SOWAHA: variants seen among roughly 807,000 people sequenced by gnomAD.
The protein encoded by SOWAHA is sosondowah ankyrin repeat domain family member A, also known as ankyrin repeat domain-containing protein SOWAHA.
In SOWAHA, 17 loss-of-function variants were observed where a neutral mutation model predicts 21.1. The observed-to-expected ratio is 0.80, with a 90% CI of 0.55 to 1.21. SOWAHA has a LOEUF of 1.21. Ranked by LOEUF, SOWAHA falls within the 50% of genes most tolerant of loss-of-function variation. SOWAHA has a pLI of 0.00. For missense variants in SOWAHA, 862 were observed against 816.0 expected, an observed-to-expected ratio of 1.06 and a Z score of -0.69; for synonymous variants, 422 against 397.1, an observed-to-expected ratio of 1.06 and a Z score of -0.75.
Position 132,814,416 on chromosome 5 carries a change from T to C in SOWAHA, c.795T>C (p.Gly265=), listed in dbSNP as rs1758352201. Residue 265 remains glycine (G), a synonymous_variant, in exon 1 of 1, where the codon GGT becomes GGC. Transcript: ENST00000378693. ...GGCGGCTCTCGGTGGAAGAGTCCGG[T>C]CTGGGCCTCGGCCTGGGCCCGGGCC... ...LLRRLSVEES[G]LGLGLGPGRS... 3.4e-6 allele frequency: 5 copies of C among 1,484,362 alleles called. No individual in the cohort carries two copies. The highest frequency in any genetic ancestry group is 2.5e-5 in the South Asian group (2 of 79,212). The allele number at this position is 1,484,362 out of a possible 1,614,324, so 91.9% of individuals were successfully genotyped here.
Position 132,815,292 on chromosome 5 carries a change from T to C in SOWAHA, c.*21T>C. 3 of 1,592,272 alleles carry C rather than the reference T, an allele frequency of 1.9e-6. No homozygotes were observed. The highest frequency in any genetic ancestry group is 2.6e-6 in the Non-Finnish European group (3 of 1,166,410). On this transcript the variant is annotated 3_prime_UTR_variant, in exon 1 of 1. Transcript: ENST00000378693. ...CCTGAAGGTCCCTGGGGCTACCACC[T>C]GGTTGATCTATCGTGGCCTGCTCGT... is the stretch of plus-strand genomic sequence containing the variant.
At position 132,814,726 on chromosome 5, in the gene SOWAHA, G is replaced by A; in HGVS notation, c.1105G>A (p.Ala369Thr). Residue 369 changes from alanine (A) to threonine (T), a missense_variant, in exon 1 of 1, where the codon GCG becomes ACG. By Grantham distance (58) the Ala-to-Thr change is moderately conservative. Transcript: ENST00000378693. ...GATGGCGCTGCAGCTGGTGGAGGTC[G>A]CGCGGCGCAGTGGCGCACCAGTCGA... ...GEMALQLVEV[A>T]RRSGAPVDVN... 6.6e-7 allele frequency: 1 copy of A among 1,513,332 alleles called. No homozygotes were observed. The highest frequency in any genetic ancestry group is 2.5e-5 in the East Asian group (1 of 40,198). The allele number at this position is 1,513,332 out of a possible 1,614,324, so 93.7% of individuals were successfully genotyped here. A position where few individuals can be genotyped will look rare whatever the true frequency, so the allele number is the denominator to read the frequency against.
rs1279255474 is a variant in SOWAHA, at chr5:132,813,937, A to G, written c.316A>G (p.Thr106Ala). 2 of 1,545,236 alleles carry G rather than the reference A, an allele frequency of 1.3e-6. No individual in the cohort carries two copies. The highest frequency in any genetic ancestry group is 1.7e-6 in the Non-Finnish European group (2 of 1,145,060). Residue 106 changes from threonine (T) to alanine (A), a missense_variant, in exon 1 of 1, where the codon ACT (threonine) becomes GCT (alanine). Physicochemically the swap from Thr to Ala is moderately conservative, Grantham distance 58 (BLOSUM62 0). Coordinates refer to ENST00000378693, the MANE Select transcript of SOWAHA (RefSeq NM_175873.6). ...PGAAAQPSKPTSTVLPRSASA... is the reference protein window; with the variant it reads ...PGAAAQPSKPASTVLPRSASA... ...GGCAGCGGCCCAGCCGTCGAAACCCACTTCGACGGTCTTGCCGCGGAGCGC... is the reference window on the plus strand; with the variant it reads ...GGCAGCGGCCCAGCCGTCGAAACCCGCTTCGACGGTCTTGCCGCGGAGCGC...
Position 132,813,891 on chromosome 5 carries a change from C to T in SOWAHA, c.270C>T (p.Pro90=), listed in dbSNP as rs549849407. The T allele has an allele frequency of 5.8e-6, 9 of 1,548,014 alleles. No individual in the cohort carries two copies. In the African/African-American group the frequency reaches 1.1e-4, roughly 19 times the overall value. ...RKKPRPPEPE[P]APFGPPGAAA... is the part of the protein sequence containing the mutation. ...AGCCCCGGCCCCCGGAGCCCGAGCCCGCACCCTTCGGCCCCCCGGGGGCAG... is the reference window on the plus strand; with the variant it reads ...AGCCCCGGCCCCCGGAGCCCGAGCCTGCACCCTTCGGCCCCCCGGGGGCAG... The change falls in exon 1 of 1, where the codon CCC becomes CCT. Residue 90 remains proline, a synonymous_variant. Transcript: ENST00000378693.
At position 132,814,906 on chromosome 5, in the gene SOWAHA, G is replaced by C. The variant is rs765962679; in HGVS notation, c.1285G>C (p.Gly429Arg). The change falls in exon 1 of 1, where the codon GGC becomes CGC. Residue 429 changes from glycine to arginine, a missense_variant. By Grantham distance (125) the Gly-to-Arg change is moderately radical. Coordinates refer to ENST00000378693, the MANE Select transcript of SOWAHA (RefSeq NM_175873.6). ...TCGCGCCTACCAGTACCTGCGGCCCGGCTCCTCGTACGCGCTGCGCCGCCT... is the reference window on the plus strand; with the variant it reads ...TCGCGCCTACCAGTACCTGCGGCCCCGCTCCTCGTACGCGCTGCGCCGCCT... ...GRRAYQYLRPGSSYALRRLLG... is the reference protein window; with the variant it reads ...GRRAYQYLRPRSSYALRRLLG... The C allele has an allele frequency of 6.5e-7, 1 of 1,544,076 alleles. No individual in the cohort carries two copies. Among genetic ancestry groups the C allele is most frequent in the East Asian group, 2.4e-5 (1 of 40,944 alleles).
At position 132,814,961 on chromosome 5, in the gene SOWAHA, C is replaced by T. The variant is rs138513605; in HGVS notation, c.1340C>T (p.Thr447Met). The change falls in exon 1 of 1, where the codon ACG becomes ATG. Residue 447 changes from threonine to methionine, a missense_variant. Transcript: ENST00000378693. ...LLGDPGLRGTTEPDATGGGSG... is the reference protein window; with the variant it reads ...LLGDPGLRGTMEPDATGGGSG... ...GGCGATCCAGGCCTGCGAGGCACCA[C>T]GGAGCCAGATGCGACCGGTGGTGGA... The T allele has an allele frequency of 1.3e-5, 21 of 1,582,432 alleles. No individual in the cohort carries two copies. Among genetic ancestry groups the T allele is most frequent in the Non-Finnish European group, 1.7e-5 (20 of 1,165,174 alleles).
Position 132,815,411 on chromosome 5 carries a change from T to C in SOWAHA, c.*140T>C. 1.4e-6 allele frequency: 1 copy of C among 704,788 alleles called. No homozygotes were observed. Among genetic ancestry groups the C allele is most frequent in the African/African-American group, 1.8e-5 (1 of 55,862 alleles). The allele number at this position is 704,788 out of a possible 1,614,324, so 43.7% of individuals were successfully genotyped here. On this transcript the variant is annotated 3_prime_UTR_variant, in exon 1 of 1. Transcript: ENST00000378693. ...TCCAGGGCAGCCTGTTTTACCCAGATGGGCCTGCACCTCCAGCTTCTTTCT... is the reference window on the plus strand; with the variant it reads ...TCCAGGGCAGCCTGTTTTACCCAGACGGGCCTGCACCTCCAGCTTCTTTCT...
In SOWAHA at chr5:132,814,947, C is replaced by A; in HGVS notation, c.1326C>A (p.Gly442=). 1.3e-6 allele frequency: 2 copies of A among 1,572,214 alleles called. No homozygotes were observed. The highest frequency in any genetic ancestry group is 2.4e-5 in the East Asian group (1 of 42,504). ...YALRRLLGDP[G]LRGTTEPDAT... ...TGCGCCGCCTTCTTGGCGATCCAGG[C>A]CTGCGAGGCACCACGGAGCCAGATG... Residue 442 remains glycine (G), a synonymous_variant, in exon 1 of 1, where the codon GGC becomes GGA. Coordinates refer to ENST00000378693, the MANE Select transcript of SOWAHA (RefSeq NM_175873.6).
chr5:132,813,965 C>A lies in SOWAHA; in HGVS notation c.344C>A (p.Ser115Tyr). 6.5e-7 allele frequency: 1 copy of A among 1,544,574 alleles called. No homozygotes were observed. ...PTSTVLPRSA[S>Y]APGAPPLVRV... ...TCGACGGTCTTGCCGCGGAGCGCCT[C>A]TGCCCCGGGAGCTCCGCCCTTGGTC... Residue 115 changes from serine (S) to tyrosine (Y), a missense_variant, in exon 1 of 1, where the codon TCT becomes TAT. Physicochemically the swap from Ser to Tyr is moderately radical, Grantham distance 144. Transcript: ENST00000378693.
Position 132,813,570 on chromosome 5 carries a change from G to A in SOWAHA, c.-52G>A. ...CCGGAACCCCGCTCCCGCGCGTCCC[G>A]CGGCGACGCGGCGCCCACCCGCCCC... On this transcript the variant is annotated 5_prime_UTR_variant, in exon 1 of 1. Coordinates refer to ENST00000378693, the MANE Select transcript of SOWAHA (RefSeq NM_175873.6). 4 of 1,141,076 alleles carry A rather than the reference G, an allele frequency of 3.5e-6. No individual in the cohort carries two copies. Among genetic ancestry groups the A allele is most frequent in the African/African-American group, 3.2e-5 (2 of 61,640 alleles). 70.7% of individuals were successfully genotyped at this position (1,141,076 alleles called of 1,614,324 possible).
rs1561442397 is a variant in SOWAHA at position 132,813,820 on chromosome 5, G to A, written c.199G>A (p.Val67Met). The change falls in exon 1 of 1, where the codon GTG (valine) becomes ATG (methionine). Residue 67 changes from valine to methionine, a missense_variant. Val to Met is a conservative substitution (Grantham distance 21, BLOSUM62 1). Coordinates refer to ENST00000378693, the MANE Select transcript of SOWAHA (RefSeq NM_175873.6). Reference protein sequence around the residue: ...RFKQFVNNVAVVKELDGVKFV... With the variant: ...RFKQFVNNVAMVKELDGVKFV... ...CAAGCAGTTCGTCAACAACGTGGCGGTGGTGAAGGAGCTCGACGGCGTCAA... is the reference window on the plus strand; with the variant it reads ...CAAGCAGTTCGTCAACAACGTGGCGATGGTGAAGGAGCTCGACGGCGTCAA... 4.5e-6 allele frequency: 7 copies of A among 1,549,486 alleles called. No individual in the cohort carries two copies. Among genetic ancestry groups the A allele is most frequent in the Non-Finnish European group, 6.1e-6 (7 of 1,146,388 alleles).
Position 132,814,263 on chromosome 5 carries a change from G to A in SOWAHA, c.642G>A (p.Gln214=). ...GPGAAKGPPQ[Q]KPCMLPVRCV... ...GGGCAGCGAAAGGGCCGCCGCAGCAGAAGCCCTGTATGCTGCCGGTGCGCT... is the reference window on the plus strand; with the variant it reads ...GGGCAGCGAAAGGGCCGCCGCAGCAAAAGCCCTGTATGCTGCCGGTGCGCT... The change falls in exon 1 of 1, where the codon CAG becomes CAA. Residue 214 remains glutamine, a synonymous_variant. Coordinates refer to ENST00000378693, the MANE Select transcript of SOWAHA (RefSeq NM_175873.6). 6.5e-7 allele frequency: 1 copy of A among 1,528,646 alleles called. No homozygotes were observed. Among genetic ancestry groups the A allele is most frequent in the Non-Finnish European group, 8.7e-7 (1 of 1,145,078 alleles). The allele number at this position is 1,528,646 out of a possible 1,614,324, so 94.7% of individuals were successfully genotyped here.
Position 132,815,061 on chromosome 5 carries a change from GGGCGTCCT to G in SOWAHA, c.1444_1451del (p.Val482Ter). 1 of 1,611,272 alleles carries G rather than the reference GGGCGTCCT, an allele frequency of 6.2e-7. No homozygotes were observed. Among genetic ancestry groups the G allele is most frequent in the South Asian group, 1.1e-5 (1 of 90,710 alleles). On this transcript the variant is annotated frameshift_variant, in exon 1 of 1. Transcript: ENST00000378693. LOFTEE classifies it high-confidence loss of function. ...TCAGTTCCACCACCAGTGCATTTCTGGGCGTCCTGGCTGACGACCTCATGCTCCAGGAC... is the reference window on the plus strand; with the variant it reads ...TCAGTTCCACCACCAGTGCATTTCTGGGCTGACGACCTCATGCTCCAGGAC...
rs1758364294 is a variant in SOWAHA at position 132,814,868 on chromosome 5, A to C, written c.1247A>C (p.Asp416Ala). ...CTGGGTGCCCAGGTGCACGTGCGTG[A>C]TCACAGCGGGCGTCGCGCCTACCAG... The part of the protein sequence containing the change: ...VRLGAQVHVR[D>A]HSGRRAYQYL... Residue 416 changes from aspartate (D) to alanine (A), a missense_variant, in exon 1 of 1, where the codon GAT becomes GCT. Transcript: ENST00000378693. 1 of 1,528,338 alleles carries C rather than the reference A, an allele frequency of 6.5e-7. No homozygotes were observed. The highest frequency in any genetic ancestry group is 8.8e-7 in the Non-Finnish European group (1 of 1,135,738). The allele number at this position is 1,528,338 out of a possible 1,614,324, so 94.7% of individuals were successfully genotyped here.
chr5:132,814,784 C>T lies in SOWAHA; in HGVS notation c.1163C>T (p.Pro388Leu), dbSNP rs1270452765. 2.0e-6 allele frequency: 3 copies of T among 1,530,316 alleles called. No homozygotes were observed. The African/African-American group carries it at 4.1e-5, about 21-fold the overall frequency. 94.8% of individuals were successfully genotyped at this position (1,530,316 alleles called of 1,614,324 possible). ...GCACGCTCCCACGGCGGCTACACGC[C>T]GCTGCACCTGGCTGCACTGCACGGC... is the stretch of plus-strand genomic sequence containing the variant. ...VNARSHGGYT[P>L]LHLAALHGHE... Residue 388 changes from proline to leucine, a missense_variant, in exon 1 of 1, where the codon CCG becomes CTG. Coordinates refer to ENST00000378693, the MANE Select transcript of SOWAHA (RefSeq NM_175873.6).
In SOWAHA at chr5:132,814,932, T is replaced by G. The variant is rs1053019844; in HGVS notation, c.1311T>G (p.Leu437=). The G allele has an allele frequency of 6.4e-7, 1 of 1,561,632 alleles. No homozygotes were observed. Among genetic ancestry groups the G allele is most frequent in the African/African-American group, 1.4e-5 (1 of 73,780 alleles). ...RPGSSYALRR[L]LGDPGLRGTT... Reference sequence around the variant, plus strand: ...GCTCCTCGTACGCGCTGCGCCGCCTTCTTGGCGATCCAGGCCTGCGAGGCA... The same window carrying G: ...GCTCCTCGTACGCGCTGCGCCGCCTGCTTGGCGATCCAGGCCTGCGAGGCA... The change falls in exon 1 of 1, where the codon CTT becomes CTG. Residue 437 remains leucine (L), a synonymous_variant. Transcript: ENST00000378693.
chr5:132,814,811 A>G lies in SOWAHA; in HGVS notation c.1190A>G (p.His397Arg). The change falls in exon 1 of 1, where the codon CAC (histidine) becomes CGC (arginine). Residue 397 changes from histidine (H) to arginine (R), a missense_variant. Coordinates refer to ENST00000378693, the MANE Select transcript of SOWAHA (RefSeq NM_175873.6). ...TPLHLAALHG[H>R]EDAAVLLVVR... ...CTGCACCTGGCTGCACTGCACGGCC[A>G]CGAGGACGCTGCCGTGCTGCTGGTG... 6.6e-7 allele frequency: 1 copy of G among 1,523,428 alleles called. No individual in the cohort carries two copies. The highest frequency in any genetic ancestry group is 8.8e-7 in the Non-Finnish European group (1 of 1,136,982). The allele number at this position is 1,523,428 out of a possible 1,614,324, so 94.4% of individuals were successfully genotyped here. A position where few individuals can be genotyped will look rare whatever the true frequency, so the allele number is the denominator to read the frequency against.
rs1419620284 is a variant in SOWAHA, at chr5:132,813,747, G to T, written c.126G>T (p.Leu42=). ...AGCTGCTGAGCCGCTTCAAGCCGCT[G>T]CTCGATGCCGGCGACCCGCGGGGCC... ...NSELLSRFKP[L]LDAGDPRGRA... Residue 42 remains leucine (L), a synonymous_variant, in exon 1 of 1, where the codon CTG becomes CTT. Coordinates refer to ENST00000378693, the MANE Select transcript of SOWAHA (RefSeq NM_175873.6). The T allele has an allele frequency of 6.5e-7, 1 of 1,547,274 alleles. No homozygotes were observed. Among genetic ancestry groups the T allele is most frequent in the East Asian group, 2.5e-5 (1 of 40,716 alleles).
chr5:132,814,635 G>T lies in SOWAHA; in HGVS notation c.1014G>T (p.Ala338=). The T allele has an allele frequency of 6.6e-7, 1 of 1,521,430 alleles. No individual in the cohort carries two copies. The highest frequency in any genetic ancestry group is 8.8e-7 in the Non-Finnish European group (1 of 1,141,752). The allele number at this position is 1,521,430 out of a possible 1,614,324, so 94.2% of individuals were successfully genotyped here. A position where few individuals can be genotyped will look rare whatever the true frequency, so the allele number is the denominator to read the frequency against. ...TGCTGCTGCGCGACCGCGGCTTGGC[G>T]GCCAAGCGCGACTTCATGTCTGGCT... ...HGLLLRDRGL[A]AKRDFMSGFT... Residue 338 remains alanine, a synonymous_variant, in exon 1 of 1, where the codon GCG becomes GCT. Coordinates refer to ENST00000378693, the MANE Select transcript of SOWAHA (RefSeq NM_175873.6).
Sources: allele counts gnomAD v4.1 joint callset, GRCh38; gene constraint gnomAD v4.1.1; transcripts MANE v1.5; gene names NCBI Gene and HGNC (gene_info 2026-07-23, HGNC 2026-07-21).